The following PXDNL variants were observed in gnomAD, a reference collection of about 807,000 sequenced individuals.
PXDNL encodes probable oxidoreductase PXDNL.
PXDNL carries 145 observed loss-of-function variants against 150.8 expected under a neutral mutation model. The observed-to-expected ratio is 0.96, with a 90% CI of 0.84 to 1.10. The LOEUF (loss-of-function observed/expected upper bound fraction) is 1.10. PXDNL is among the 50% of genes least tolerant of loss of function. The pLI is 0.00. For missense variants in PXDNL, 2,087 were observed against 1,873.9 expected, an observed-to-expected ratio of 1.11 and a Z score of -2.10; for synonymous variants, 757 against 725.7, an observed-to-expected ratio of 1.04 and a Z score of -0.69.
intron 4 of PXDNL, among the ~76,000 whole-genome samples, chr8:51,546,384 T>C (rs1812361636): frequency 6.6e-6 from 1 of 152,126 alleles, no homozygotes; most frequent in South Asian, 2.1e-4. Context: ...TGGTTAGTAC[T>C]TGGATGGGAT....
intron 2 of PXDNL, among the ~76,000 whole-genome samples, chr8:51,633,270 T>C (rs940017083): frequency 6.6e-6 from 1 of 152,216 alleles, no homozygotes; most frequent in South Asian, 2.1e-4. Context: ...ATGGTGTATG[T>C]GTACCACATT....
intron 3 of PXDNL, among the ~76,000 whole-genome samples, chr8:51,574,392 T>G (rs1813008055): frequency 6.6e-6 from 1 of 151,438 alleles, no homozygotes; most frequent in Non-Finnish European, 1.5e-5. Flanking sequence ...ACATAGACAT[T>G]AAAATATACA....
chr8:51,799,022 T>C (rs1021464947), intron 1 of PXDNL, among the ~76,000 whole-genome samples: 8 of 152,054 alleles, frequency 5.3e-5, no homozygotes, highest in African/African-American at 1.9e-4. Flanking sequence ...ATAAAGAAAA[T>C]GTAGTACATA....
At chr8:51,630,686 A>G (rs1266447026) in intron 2 of PXDNL, among the ~76,000 whole-genome samples, 1 of 152,208 alleles carries the variant, frequency 6.6e-6, no homozygotes, top group Non-Finnish European at 1.5e-5. Flanking sequence ...AAAAATGCTC[A>G]ACATCACTAA....
chr8:51,530,170 C>A (rs7017790), intron 4 of PXDNL, among the ~76,000 whole-genome samples: 4 of 151,898 alleles, frequency 2.6e-5, no homozygotes, highest in Non-Finnish European at 5.9e-5. Flanking sequence ...AGTTGGGAGA[C>A]CAATATTTGA....
chr8:51,327,634 G>A (rs966410145), intron 21 of PXDNL, among the ~76,000 whole-genome samples: 2 of 152,144 alleles, frequency 1.3e-5, no homozygotes, highest in African/African-American at 4.8e-5. Context: ...CAAGAGCATG[G>A]CCCATAAACC....
intron 3 of PXDNL, among the ~76,000 whole-genome samples, chr8:51,580,954 T>G (rs537969955): frequency 1.3e-5 from 2 of 152,114 alleles, no homozygotes; most frequent in Non-Finnish European, 2.9e-5. Flanking sequence ...TGCAAAACAG[T>G]GCTGAGTCTA....
At chr8:51,692,437 A>T (rs981591855) in intron 1 of PXDNL, among the ~76,000 whole-genome samples, 10 of 152,242 alleles carry the variant, frequency 6.6e-5, no homozygotes, top group Admixed American at 5.9e-4. Flanking sequence ...TAAAGGAAAC[A>T]GAAAAATTAA....
intron 1 of PXDNL, among the ~76,000 whole-genome samples, chr8:51,772,654 G>A (rs2129243326): frequency 6.6e-6 from 1 of 152,298 alleles, no homozygotes; most frequent in African/African-American, 2.4e-5. Context: ...AGGCTGGGGT[G>A]ACCCAGTGTC....
At chr8:51,553,489 TGTAA>T (rs1390307356) in intron 4 of PXDNL, among the ~76,000 whole-genome samples, 1 of 152,190 alleles carries the variant, frequency 6.6e-6, no homozygotes, top group African/African-American at 2.4e-5. Context: ...CTACGGACTC[TGTAA>T]GTAAGTGTAT....
chr8:51,351,972 AT>A (rs1563369776), intron 19 of PXDNL, among the ~76,000 whole-genome samples: 1 of 152,142 alleles, frequency 6.6e-6, no homozygotes, highest in Admixed American at 6.5e-5. Context: ...TGGGAGGGAC[AT>A]TTCATCACCT....
intron 8 of PXDNL, among the ~76,000 whole-genome samples, chr8:51,462,344 G>C (rs1042036457): frequency 1.3e-5 from 2 of 152,170 alleles, no homozygotes; most frequent in African/African-American, 4.8e-5. Context: ...TCAGAATCTG[G>C]ATGGCAAGGA....
intron 4 of PXDNL, among the ~76,000 whole-genome samples, chr8:51,520,441 G>T (rs1021657819): frequency 1.3e-5 from 2 of 152,078 alleles, no homozygotes; most frequent in African/African-American, 4.8e-5. Context: ...CGCACCAGGA[G>T]GAGGGACGGA....
At chr8:51,331,333 A>C (rs1441864106) in intron 21 of PXDNL, among the ~76,000 whole-genome samples, 1 of 152,180 alleles carries the variant, frequency 6.6e-6, no homozygotes, top group Non-Finnish European at 1.5e-5. Context: ...CTGGGAGCTC[A>C]CTGAATCCCC....
At chr8:51,574,353 A>G (rs1253261257) in intron 3 of PXDNL, among the ~76,000 whole-genome samples, 4 of 152,046 alleles carry the variant, frequency 2.6e-5, no homozygotes, top group African/African-American at 9.7e-5. Flanking sequence ...AGCAGTAGAT[A>G]TTACTCAATC....
At chr8:51,758,019 GT>G (rs960053196) in intron 1 of PXDNL, among the ~76,000 whole-genome samples, 26 of 151,920 alleles carry the variant, frequency 1.7e-4, no homozygotes, top group African/African-American at 2.4e-5. Flanking sequence ...ACTTTGAAAA[GT>G]TTTTTTAATA....
intron 4 of PXDNL, among the ~76,000 whole-genome samples, chr8:51,539,597 T>C (rs1466055932): frequency 6.6e-6 from 1 of 152,120 alleles, no homozygotes; most frequent in Admixed American, 6.5e-5. Context: ...TTTTGTTTTG[T>C]TTTTTTAATT....
intron 12 of PXDNL, among the ~76,000 whole-genome samples, chr8:51,432,731 G>C (rs1809282708): frequency 1.3e-5 from 2 of 152,102 alleles, no homozygotes; most frequent in Non-Finnish European, 2.9e-5. Context: ...TGAACTCTTA[G>C]GTCTGATAGT....
intron 1 of PXDNL, among the ~76,000 whole-genome samples, chr8:51,752,272 C>T (rs746669720): frequency 2.6e-5 from 4 of 152,100 alleles, no homozygotes; most frequent in Non-Finnish European, 4.4e-5. Context: ...CTCTTTTGGA[C>T]CCCTAATAAA....
Sources: allele counts gnomAD v4.1 joint callset (sites outside exome capture counted in the v4.1 genomes callset), GRCh38; gene constraint gnomAD v4.1.1; transcripts MANE v1.5; gene names NCBI Gene and HGNC (gene_info 2026-07-23, HGNC 2026-07-21).